Variants in SUGP1 observed in about 807,000 individuals in gnomAD.
The protein encoded by SUGP1 is SURP and G-patch domain containing 1.
SUGP1 carries 34 observed loss-of-function variants against 76.5 expected under a neutral mutation model. The ratio of observed to expected loss-of-function variants is 0.44; its 90% CI spans 0.34 to 0.59. SUGP1 has a LOEUF of 0.59. Among genes scored for constraint, SUGP1 ranks in the 20% least tolerant of loss-of-function variants. SUGP1 has a pLI of 0.01. For missense variants in SUGP1, 752 were observed against 851.7 expected, an observed-to-expected ratio of 0.88 and a Z score of 1.46; for synonymous variants, 326 against 326.2, an observed-to-expected ratio of 1.00 and a Z score of 0.01.
At chr19:19,287,516 T>C (rs1308641406) in intron 8 of SUGP1, among the ~76,000 whole-genome samples, 6 of 152,170 alleles carry the variant, frequency 3.9e-5, no homozygotes, top group Non-Finnish European at 7.3e-5. Flanking sequence ...GAGCTGAGAT[T>C]GTGCCGCTGG....
At chr19:19,277,987 C>G (rs2061067271) in intron 11 of SUGP1, 108 bp from the exon 12 acceptor site, 9 of 1,334,494 alleles carry the variant, frequency 6.7e-6, no homozygotes, top group South Asian at 1.3e-5. Flanking sequence ...AGTGGCCCAT[C>G]TGCCTCCCTC....
intron 1 of SUGP1, among the ~76,000 whole-genome samples, chr19:19,319,112 C>T (rs1243618077): frequency 6.6e-6 from 1 of 152,114 alleles, no homozygotes; most frequent in African/African-American, 2.4e-5. Flanking sequence ...ATCCCAGCTA[C>T]TCAGGAGGCT....
chr19:19,305,588 G>A (rs2061309951), intron 4 of SUGP1: 2 of 401,068 alleles, frequency 5.0e-6, no homozygotes, highest in Non-Finnish European at 9.0e-6. Flanking sequence ...GCTGGGATGA[G>A]CCGCTGTGTG....
chr19:19,287,455 G>A (rs536070302), intron 8 of SUGP1, among the ~76,000 whole-genome samples: 208 of 152,268 alleles, frequency 1.4e-3, no homozygotes, highest in African/African-American at 4.7e-3. Context: ...CCAGCTACTC[G>A]GGAGGCTGAG....
intron 8 of SUGP1, among the ~76,000 whole-genome samples, chr19:19,289,584 C>T (rs143317621): frequency 6.6e-6 from 1 of 151,976 alleles, no homozygotes; most frequent in Non-Finnish European, 1.5e-5. Context: ...CTCGTCTCTA[C>T]TAAAACCAAA....
At chr19:19,296,928 T>C in intron 8 of SUGP1, 61 bp downstream of exon 8, 2 of 1,361,884 alleles carry the variant, frequency 1.5e-6, no homozygotes, top group Non-Finnish European at 2.0e-6. Context: ...CTTGAAGACA[T>C]TATGCTCAGT....
intron 4 of SUGP1, chr19:19,304,180 A>ATCGGT: frequency 1.8e-6 from 1 of 553,174 alleles, no homozygotes; most frequent in Non-Finnish European, 3.0e-6. Flanking sequence ...AGCATAATAC[A>ATCGGT]TCGGTTCCCT....
intron 7 of SUGP1, among the ~76,000 whole-genome samples, chr19:19,299,184 G>A (rs2061252048): frequency 6.6e-6 from 1 of 152,188 alleles, no homozygotes; most frequent in Non-Finnish European, 1.5e-5. Flanking sequence ...GCCTCAAGCT[G>A]ATGACATAAG....
rs549467894 is a variant in SUGP1, at chr19:19,309,950, C to G, written c.310+147G>C. 27 of 494,616 alleles carry G rather than the reference C, an allele frequency of 5.5e-5. No individual in the cohort carries two copies. In the East Asian group the frequency reaches 7.8e-4, roughly 14 times the overall value. 30.6% of individuals were successfully genotyped at this position (494,616 alleles called of 1,614,324 possible). A position where few individuals can be genotyped will look rare whatever the true frequency, so the allele number is the denominator to read the frequency against. On this transcript the variant is annotated intron_variant, in intron 3 of 13. Transcript: ENST00000247001. ...TTTATGTATTATTTATTTATTTATGCCTTTGGTGCACGCATGGGTGGAATG... is the reference window on the plus strand; with the variant it reads ...TTTATGTATTATTTATTTATTTATGGCTTTGGTGCACGCATGGGTGGAATG...
rs1463967170 is a variant in SUGP1, at chr19:19,320,470, A to G, written c.27T>C (p.Asp9=). The change falls in exon 1 of 14, where the codon GAT becomes GAC. Residue 9 remains aspartate, a synonymous_variant. Coordinates refer to ENST00000247001, the MANE Select transcript of SUGP1 (RefSeq NM_172231.4). ...GGAGGCGGGGGCTGTTACCTGCAAC[A>G]TCCCGGTTGTCCATCTTGAGACTCA... MSLKMDNR[D]VAGKANRWFG... is the part of the protein sequence containing the mutation. 1.9e-6 allele frequency: 3 copies of G among 1,609,910 alleles called. No individual in the cohort carries two copies. The highest frequency in any genetic ancestry group is 2.5e-6 in the Non-Finnish European group (3 of 1,178,518).
At chr19:19,315,228 T>C (rs1411763848) in intron 2 of SUGP1, among the ~76,000 whole-genome samples, 2 of 151,822 alleles carry the variant, frequency 1.3e-5, no homozygotes, top group Non-Finnish European at 2.9e-5. Context: ...CTTGGGAGGC[T>C]GAGGCAAGAG....
At position 19,297,230 on chromosome 19, in the gene SUGP1, C is replaced by T; in HGVS notation, c.1002G>A (p.Leu334=). The T allele has an allele frequency of 6.3e-7, 1 of 1,597,676 alleles. No homozygotes were observed. The highest frequency in any genetic ancestry group is 8.6e-7 in the Non-Finnish European group (1 of 1,168,170). ...TGSFTAPDPG[L]KRKSPPEALS... ...GGGCCTCAGGAGGGGACTTGCGCTT[C>T]AGGCCGGGATCAGGTGCTGTGAAGC... The change falls in exon 8 of 14, where the codon CTG becomes CTA. Residue 334 remains leucine, a synonymous_variant. Coordinates refer to ENST00000247001, the MANE Select transcript of SUGP1 (RefSeq NM_172231.4).
At chr19:19,282,286 A>G (rs1360910960) in intron 8 of SUGP1, among the ~76,000 whole-genome samples, 1 of 141,934 alleles carries the variant, frequency 7.0e-6, no homozygotes, top group Admixed American at 7.1e-5. Context: ...AGCCTCCTGA[A>G]CTTTCTGTGA....
chr19:19,317,488 T>C (rs1311910808), intron 1 of SUGP1, among the ~76,000 whole-genome samples: 4 of 152,214 alleles, frequency 2.6e-5, no homozygotes, highest in Middle Eastern at 3.4e-3. Flanking sequence ...TGGGGAGTGA[T>C]GGAGAAGCAC....
At chr19:19,315,701 G>T (rs367833665) in intron 2 of SUGP1, among the ~76,000 whole-genome samples, 1 of 152,174 alleles carries the variant, frequency 6.6e-6, no homozygotes, top group African/African-American at 2.4e-5. Context: ...GGGCTTTCAG[G>T]ATGCAAAGCT....
chr19:19,297,639 G>A (rs543420913), intron 7 of SUGP1, among the ~76,000 whole-genome samples: 2 of 152,290 alleles, frequency 1.3e-5, no homozygotes, highest in East Asian at 1.9e-4. Flanking sequence ...GAAAGGGCAG[G>A]GACCCTCAGA....
Position 19,279,433 on chromosome 19 carries a change from G to C in SUGP1, c.1351-43C>G, listed in dbSNP as rs137954398. On this transcript the variant is annotated intron_variant, in intron 9 of 13. Transcript: ENST00000247001. ...CAGTGAGCCAGGGCACGGTGCTGTGGCCTGCCGGAGCCCCGCTCCTGCTCC... is the reference window on the plus strand; with the variant it reads ...CAGTGAGCCAGGGCACGGTGCTGTGCCCTGCCGGAGCCCCGCTCCTGCTCC... The C allele has an allele frequency of 6.7e-4, 1,024 of 1,526,268 alleles. 7 individuals are homozygous for C. The African/African-American group carries it at 0.013, about 20-fold the overall frequency. 94.5% of individuals were successfully genotyped at this position (1,526,268 alleles called of 1,614,324 possible). A position where few individuals can be genotyped will look rare whatever the true frequency, so the allele number is the denominator to read the frequency against.
At chr19:19,311,568 A>C (rs561242114) in intron 2 of SUGP1, among the ~76,000 whole-genome samples, 15 of 152,024 alleles carry the variant, frequency 9.9e-5, no homozygotes, top group Admixed American at 7.2e-4. Context: ...TCTACTAAAA[A>C]TACAAAGAAT....
chr19:19,308,527 C>G (rs188861306), intron 3 of SUGP1, among the ~76,000 whole-genome samples: 9 of 152,372 alleles, frequency 5.9e-5, no homozygotes, highest in Admixed American at 5.9e-4. Context: ...ACCCGATGAA[C>G]ACTAGTGCCC....
Sources: gnomAD v4.1 joint callset for allele counts (sites outside exome capture counted in the v4.1 genomes callset) on GRCh38, gnomAD v4.1.1 for gene constraint, MANE v1.5 for transcripts, NCBI Gene and HGNC (gene_info 2026-07-23, HGNC 2026-07-21) for gene names.